Variants in CACNA1G observed in about 807,000 individuals in gnomAD.
The protein encoded by CACNA1G is voltage-dependent T-type calcium channel subunit alpha-1G.
Under a neutral mutation model 219.4 loss-of-function variants are expected in CACNA1G, and 67 were observed. The ratio of observed to expected loss-of-function variants is 0.31; its 90% CI spans 0.25 to 0.37. The LOEUF is 0.37. Ranked by LOEUF, CACNA1G falls within the 10% of genes least tolerant of loss-of-function variation. The probability of loss-of-function intolerance (pLI) is 1.00; values close to 1 mark genes in which losing one functional copy is unlikely to be tolerated. For missense variants in CACNA1G, 2,380 were observed against 3,231.4 expected (o/e 0.74, Z 6.39); for synonymous variants, 1,296 against 1,345.3 (o/e 0.96, Z 0.80).
At position 50,626,890 on chromosome 17, in the gene CACNA1G, G is replaced by A; in HGVS notation, c.*139G>A. The A allele has an allele frequency of 9.3e-7, 1 of 1,076,338 alleles. No individual in the cohort carries two copies. Among genetic ancestry groups the A allele is most frequent in the Admixed American group, 1.7e-5 (1 of 58,948 alleles). 66.7% of individuals were successfully genotyped at this position (1,076,338 alleles called of 1,614,324 possible). On this transcript the variant is annotated 3_prime_UTR_variant, in exon 38 of 38. Coordinates refer to ENST00000359106, the MANE Select transcript of CACNA1G (RefSeq NM_018896.5). The surrounding 1 kb of genome is among the most constrained non-coding windows in gnomAD (Gnocchi z 4.3). ...CTCCTCCCTGCCTCAGTGGCTCTGGGTACCTGCAAGCAGAACTTCCAAAGA... is the reference window on the plus strand; with the variant it reads ...CTCCTCCCTGCCTCAGTGGCTCTGGATACCTGCAAGCAGAACTTCCAAAGA...
At position 50,603,489 on chromosome 17, in the gene CACNA1G, A is replaced by C. The variant is rs1294592083; in HGVS notation, c.4169+290A>C. On this transcript the variant is annotated intron_variant, in intron 21 of 37. Coordinates refer to ENST00000359106, the MANE Select transcript of CACNA1G (RefSeq NM_018896.5). The surrounding 1 kb of genome is among the most constrained non-coding windows in gnomAD (Gnocchi z 6.4). ...GCAGCCCTGTGCAGCACACAGCACA[A>C]GGGGCCACGAGCAGGACTCTCACAG... 6.6e-6 allele frequency among the ~76,000 whole-genome samples: 1 copy of C among 152,128 alleles called. No homozygotes were observed. The highest frequency in any genetic ancestry group is 1.5e-5 in the Non-Finnish European group (1 of 68,014).
intron 35 of CACNA1G, among the ~76,000 whole-genome samples, chr17:50,622,496 G>A (rs908422221): frequency 6.6e-6 from 1 of 152,180 alleles, no homozygotes; most frequent in African/African-American, 2.4e-5. Flanking sequence ...ACCGGCTGGG[G>A]TGTCCCTAGG....
rs978708295 is a variant in CACNA1G at position 50,606,512 on chromosome 17, G to C, written c.4423-388G>C. 10 of 565,390 alleles carry C rather than the reference G, an allele frequency of 1.8e-5. No individual in the cohort carries two copies. In the African/African-American group the frequency reaches 1.9e-4, roughly 11 times the overall value. 35.0% of individuals were successfully genotyped at this position (565,390 alleles called of 1,614,324 possible). A position where few individuals can be genotyped will look rare whatever the true frequency, so the allele number is the denominator to read the frequency against. On this transcript the variant is annotated intron_variant, in intron 23 of 37. Transcript: ENST00000359106. ...ATGATGTGTATATTTCTTTAACATG[G>C]TGGAAGGGACGGATATATTGTCAAG...
intron 9 of CACNA1G, among the ~76,000 whole-genome samples, chr17:50,588,996 A>T (rs1191883738): frequency 6.6e-6 from 1 of 152,148 alleles, no homozygotes; most frequent in Non-Finnish European, 1.5e-5. Flanking sequence ...AGACAGTGAG[A>T]AGCAAGGAGA....
At chr17:50,593,172 GC>G (rs1413272301) in intron 13 of CACNA1G, among the ~76,000 whole-genome samples, 1 of 152,146 alleles carries the variant, frequency 6.6e-6, no homozygotes, top group Non-Finnish European at 1.5e-5. Context: ...ACGCCGGTAT[GC>G]TCCCTGGAAT....
Position 50,572,683 on chromosome 17 carries a change from G to A in CACNA1G, c.876G>A (p.Gly292=), listed in dbSNP as rs546261989. The part of the protein sequence containing the change: ...CRSVPTLRGD[G]GGGPPCGLDY... ...GCGTGCCCACGCTGCGCGGGGACGG[G>A]GGCGGTGGCCCACCTTGCGGTCTGG... is the stretch of plus-strand genomic sequence containing the variant. Residue 292 remains glycine, a synonymous_variant, in exon 6 of 38, where the codon GGG becomes GGA. Coordinates refer to ENST00000359106, the MANE Select transcript of CACNA1G (RefSeq NM_018896.5). The A allele has an allele frequency of 2.5e-6, 4 of 1,612,728 alleles. No homozygotes were observed. The African/African-American group carries it at 4.0e-5, about 16-fold the overall frequency.
intron 1 of CACNA1G, among the ~76,000 whole-genome samples, chr17:50,564,733 G>A (rs2037170611): frequency 2.6e-5 from 4 of 152,092 alleles, no homozygotes; most frequent in Admixed American, 2.6e-4. Flanking sequence ...CAGAGGAAAT[G>A]GTGGGGGGAG....
chr17:50,564,742 A>C (rs2037175880), intron 1 of CACNA1G, among the ~76,000 whole-genome samples: 1 of 151,650 alleles, frequency 6.6e-6, no homozygotes, highest in South Asian at 2.1e-4. Context: ...TGGTGGGGGG[A>C]GTGTTCTTCC....
rs1390641061 is a variant in CACNA1G at position 50,617,893 on chromosome 17, G to A, written c.5190G>A (p.Arg1730=). The A allele has an allele frequency of 3.1e-6, 5 of 1,613,776 alleles. No homozygotes were observed. The highest frequency in any genetic ancestry group is 2.2e-5 in the South Asian group (2 of 91,076). ...TGCTGAAGATGGCTGTGGGCATGCGGGCGCTGCTGGACACGGTGATGCAGG... is the reference window on the plus strand; with the variant it reads ...TGCTGAAGATGGCTGTGGGCATGCGAGCGCTGCTGGACACGGTGATGCAGG... ...LKLLKMAVGM[R]ALLDTVMQAL... The change falls in exon 30 of 38, where the codon CGG becomes CGA. Residue 1730 remains arginine (R), a synonymous_variant. Coordinates refer to ENST00000359106, the MANE Select transcript of CACNA1G (RefSeq NM_018896.5). This position sits in a 1 kb window ranked among gnomAD's most constrained non-coding sequence, Gnocchi z 5.8.
At position 50,596,548 on chromosome 17, in the gene CACNA1G, C is replaced by T; in HGVS notation, c.2980-14C>T. The T allele has an allele frequency of 6.2e-7, 1 of 1,612,784 alleles. No individual in the cohort carries two copies. The highest frequency in any genetic ancestry group is 8.5e-7 in the Non-Finnish European group (1 of 1,178,826). On this transcript the variant is annotated splice_polypyrimidine_tract_variant and intron_variant, in intron 14 of 37. Coordinates refer to ENST00000359106, the MANE Select transcript of CACNA1G (RefSeq NM_018896.5). This position sits in a 1 kb window ranked among gnomAD's most constrained non-coding sequence, Gnocchi z 4.8. ...TGGCCGGATCCCTAATGGTCCGCTG[C>T]TCCCCTGCCCTAGGGAGATGCCAAC...
Position 50,576,246 on chromosome 17 carries a change from G to A in CACNA1G, c.1844G>A (p.Gly615Glu). The change falls in exon 8 of 38, where the codon GGG (glycine) becomes GAG (glutamate). Residue 615 changes from glycine to glutamate, a missense_variant. By Grantham distance (98) the Gly-to-Glu change is moderately conservative. Transcript: ENST00000359106. ...CTAGTAGAGGTGGCTGCCAGCTCTGGGCCCCCAACCCTCACCAGCCTCAAC... is the reference window on the plus strand; with the variant it reads ...CTAGTAGAGGTGGCTGCCAGCTCTGAGCCCCCAACCCTCACCAGCCTCAAC... ...KALVEVAASS[G>E]PPTLTSLNIP... 1 of 1,597,888 alleles carries A rather than the reference G, an allele frequency of 6.3e-7. No individual in the cohort carries two copies. The highest frequency in any genetic ancestry group is 8.5e-7 in the Non-Finnish European group (1 of 1,173,214).
chr17:50,623,493 C>A (rs959523249), intron 35 of CACNA1G, among the ~76,000 whole-genome samples: 1 of 151,946 alleles, frequency 6.6e-6, no homozygotes, highest in Non-Finnish European at 1.5e-5. Context: ...CACCGGGACT[C>A]CCTTCAGAGC....
chr17:50,574,367 C>G (rs2040138252), intron 7 of CACNA1G, among the ~76,000 whole-genome samples: 1 of 152,218 alleles, frequency 6.6e-6, no homozygotes, highest in African/African-American at 2.4e-5. Context: ...AAGGCAGCTC[C>G]TTGTGAGAGA....
In CACNA1G at chr17:50,582,583, T is replaced by G. The variant is rs192799691; in HGVS notation, c.2301+4019T>G. Among the ~76,000 whole-genome samples the G allele has an allele frequency of 4.1e-3, 629 of 152,234 alleles. 4 individuals are homozygous for G. Among genetic ancestry groups the G allele is most frequent in the African/African-American group, 0.014 (601 of 41,540 alleles). The stretch of plus-strand genomic sequence containing the variant: ...AGGCTGTCGGAGCTCAGAAAAGAAG[T>G]TGCCTTCTCTTCTGTGTCCTGCCTG... On this transcript the variant is annotated intron_variant, in intron 9 of 37. Coordinates refer to ENST00000359106, the MANE Select transcript of CACNA1G (RefSeq NM_018896.5).
chr17:50,624,650 G>C, intron 37 of CACNA1G, 121 bp downstream of exon 37: 2 of 1,045,420 alleles, frequency 1.9e-6, no homozygotes, highest in East Asian at 5.2e-5. Flanking sequence ...TGATGTGCCA[G>C]GCTCAGTTGC....
At chr17:50,574,065 T>C (rs968129223) in intron 7 of CACNA1G, among the ~76,000 whole-genome samples, 3 of 152,212 alleles carry the variant, frequency 2.0e-5, no homozygotes, top group Admixed American at 6.5e-5. Context: ...GCCTGTTTAA[T>C]CCTCGTCGTC....
intron 25 of CACNA1G, among the ~76,000 whole-genome samples, chr17:50,609,429 G>A (rs2048696403): frequency 6.6e-6 from 1 of 152,154 alleles, no homozygotes; most frequent in African/African-American, 2.4e-5. Flanking sequence ...ATCTGCAGCT[G>A]AGCAGGTGCA....
chr17:50,593,824 C>T (rs1568076229), intron 13 of CACNA1G, among the ~76,000 whole-genome samples: 1 of 152,202 alleles, frequency 6.6e-6, no homozygotes, highest in Non-Finnish European at 1.5e-5. Context: ...GTGACTGTGG[C>T]CCCGGAGTGC....
chr17:50,626,398 T>A lies in CACNA1G; in HGVS notation c.6781T>A (p.Trp2261Arg). The A allele has an allele frequency of 6.2e-7, 1 of 1,611,576 alleles. No homozygotes were observed. Among genetic ancestry groups the A allele is most frequent in the Non-Finnish European group, 8.5e-7 (1 of 1,179,168 alleles). ...GAGCTGCCAGCGCCGGCCTACGTCC[T>A]GGCTGGATGAGCAGAGGAGACACTC... is the stretch of plus-strand genomic sequence containing the variant. Reference protein sequence around the residue: ...AQSCQRRPTSWLDEQRRHSIA... With the variant: ...AQSCQRRPTSRLDEQRRHSIA... The change falls in exon 38 of 38, where the codon TGG (tryptophan) becomes AGG (arginine). Residue 2261 changes from tryptophan to arginine, a missense_variant. By Grantham distance (101) the Trp-to-Arg change is moderately radical. Around this residue, in one of 17 missense-constraint regions of CACNA1G, gnomAD observed 672 missense variants for 670.5 expected, o/e 1.00. Coordinates refer to ENST00000359106, the MANE Select transcript of CACNA1G (RefSeq NM_018896.5). This position sits in a 1 kb window ranked among gnomAD's most constrained non-coding sequence, Gnocchi z 4.3.
Sources: gnomAD v4.1 joint callset for allele counts (sites outside exome capture counted in the v4.1 genomes callset) on GRCh38, gnomAD v4.1.1 for gene constraint, gnomAD v4.1.1 regional missense constraint, Gnocchi (gnomAD v3.1) non-coding constraint, MANE v1.5 for transcripts, NCBI Gene and HGNC (gene_info 2026-07-23, HGNC 2026-07-21) for gene names.